CCNP: variants seen among roughly 807,000 people sequenced by gnomAD.
CCNP encodes the protein cyclin P.
Under a neutral mutation model 19.6 loss-of-function variants are expected in CCNP, and 18 were observed. That is an observed-to-expected ratio of 0.92 (90% CI 0.64 to 1.36). CCNP has a LOEUF of 1.36. CCNP is among the 40% of genes most tolerant of loss of function. The pLI, the probability that CCNP is intolerant of heterozygous loss-of-function variation, is 0.00. For synonymous variants in CCNP, 228 were observed against 194.9 expected (o/e 1.17, Z -1.41); for missense variants, 440 against 424.4 (o/e 1.04, Z -0.32).
In CCNP at chr19:40,223,450, G is replaced by C. The variant is rs766174322; in HGVS notation, c.610C>G (p.His204Asp). Residue 204 changes from histidine to aspartate, a missense_variant, in exon 4 of 5, where the codon CAC becomes GAC. Physicochemically the swap from His to Asp is moderately conservative, Grantham distance 81. Transcript: ENST00000430325. ...AGGCACAGCAGCGGGCCGGGGTGGT[G>C]CAGCCGGAAATCCAGGCGGCTCAGG... ...RILSRLDFRL[H>D]HPGPLLCLGL... The C allele has an allele frequency of 8.7e-6, 14 of 1,609,000 alleles. No individual in the cohort carries two copies. Among genetic ancestry groups the C allele is most frequent in the South Asian group, 2.2e-5 (2 of 90,800 alleles).
In CCNP at chr19:40,224,949, A is replaced by G. The variant is rs1009731346; in HGVS notation, c.268-138T>C. On this transcript the variant is annotated intron_variant, in intron 1 of 4. Coordinates refer to ENST00000430325, the MANE Select transcript of CCNP (RefSeq NM_024877.4). ...CCACACCCAAACTGGCCTCCAAATG[A>G]GCTCCTCTTACGTGTCCTCACCTAG... 8.7e-5 allele frequency: 62 copies of G among 716,514 alleles called. No homozygotes were observed. The Admixed American group carries it at 1.2e-3, about 14-fold the overall frequency. 44.4% of individuals were successfully genotyped at this position (716,514 alleles called of 1,614,324 possible). A position where few individuals can be genotyped will look rare whatever the true frequency, so the allele number is the denominator to read the frequency against.
Position 40,223,211 on chromosome 19 carries a change from CAG to C in CCNP, c.763_764del (p.Leu255GlufsTer22), listed in dbSNP as rs1973477528. The part of the protein sequence containing the change: ...WEPGRRAAAA[L>X]SLAHRLLDGA... ...CGTCGAGCAAGCGGTGCGCCAGGCTCAGAGCCGCAGCCGCACGACGACCCGGC... is the reference window on the plus strand; with the variant it reads ...CGTCGAGCAAGCGGTGCGCCAGGCTCAGCCGCAGCCGCACGACGACCCGGC... On this transcript the variant is annotated frameshift_variant, in exon 5 of 5. Transcript: ENST00000430325. LOFTEE classifies it low-confidence loss of function (END_TRUNC). 1 of 1,549,640 alleles carries C rather than the reference CAG, an allele frequency of 6.5e-7. No homozygotes were observed. Among genetic ancestry groups the C allele is most frequent in the Non-Finnish European group, 8.7e-7 (1 of 1,146,478 alleles).
chr19:40,222,334 G>A lies in CCNP; in HGVS notation c.*718C>T, dbSNP rs1199761022. On this transcript the variant is annotated 3_prime_UTR_variant, in exon 5 of 5. Transcript: ENST00000430325. ...AGGGAGGCTCAGACTGGAGGCGGCGGAGCAGGCAGGCGGCGGCAAGGCTGG... is the reference window on the plus strand; with the variant it reads ...AGGGAGGCTCAGACTGGAGGCGGCGAAGCAGGCAGGCGGCGGCAAGGCTGG... 3.0e-5 allele frequency: 12 copies of A among 398,948 alleles called. No homozygotes were observed. The highest frequency in any genetic ancestry group is 6.2e-4 in the Middle Eastern group (1 of 1,614). The allele number at this position is 398,948 out of a possible 1,614,324, so 24.7% of individuals were successfully genotyped here.
At chr19:40,223,969 TTTG>T (rs1443715802) in intron 3 of CCNP, among the ~76,000 whole-genome samples, 1 of 146,948 alleles carries the variant, frequency 6.8e-6, no homozygotes, top group African/African-American at 2.7e-5. Flanking sequence ...AGTGATTTGT[TTTG>T]TTTTTTTTTG....
In CCNP at chr19:40,224,463, C is replaced by G. The variant is rs200798696; in HGVS notation, c.513+25G>C. 3 of 1,611,716 alleles carry G rather than the reference C, an allele frequency of 1.9e-6. No individual in the cohort carries two copies. In the South Asian group the frequency reaches 3.3e-5, roughly 18 times the overall value. On this transcript the variant is annotated intron_variant, in intron 3 of 4. Coordinates refer to ENST00000430325, the MANE Select transcript of CCNP (RefSeq NM_024877.4). ...TACTCCCCAAAGGACTCCATCCACC[C>G]TCCCAAACCCCACCCCGGAAGTACC...
chr19:40,226,605 G>A lies in CCNP; in HGVS notation c.37C>T (p.Arg13Trp), dbSNP rs754909640. 12 of 1,578,602 alleles carry A rather than the reference G, an allele frequency of 7.6e-6. No homozygotes were observed. The highest frequency in any genetic ancestry group is 4.3e-6 in the Non-Finnish European group (5 of 1,163,792). The change falls in exon 1 of 5, where the codon CGG becomes TGG. Residue 13 changes from arginine to tryptophan, a missense_variant. Arg to Trp is a moderately radical substitution (Grantham distance 101, BLOSUM62 -3). Transcript: ENST00000430325. The part of the protein sequence containing the change: ...VRGRDQGSGS[R>W]LGPIVRRWAP... ...CAGCGCCTAACGATAGGCCCGAGCC[G>A]GGAGCCGGACCCCTGGTCCCTGCCT...
intron 1 of CCNP, 83 bp downstream of exon 1, chr19:40,226,292 G>T: frequency 8.2e-7 from 1 of 1,216,990 alleles, no homozygotes; most frequent in Non-Finnish European, 1.2e-6. Flanking sequence ...GGCTGGAGCG[G>T]TGGGAGTTCA....
intron 1 of CCNP, 141 bp from the exon 2 acceptor site, chr19:40,224,952 T>C (rs950030019): frequency 1.5e-6 from 1 of 689,144 alleles, no homozygotes; most frequent in African/African-American, 1.8e-5. Context: ...CCAAATGAGC[T>C]CCTCTTACGT....
rs766174322 is a variant in CCNP at position 40,223,450 on chromosome 19, G to A, written c.610C>T (p.His204Tyr). ...AGGCACAGCAGCGGGCCGGGGTGGTGCAGCCGGAAATCCAGGCGGCTCAGG... is the reference window on the plus strand; with the variant it reads ...AGGCACAGCAGCGGGCCGGGGTGGTACAGCCGGAAATCCAGGCGGCTCAGG... ...RILSRLDFRL[H>Y]HPGPLLCLGL... The change falls in exon 4 of 5, where the codon CAC (histidine) becomes TAC (tyrosine). Residue 204 changes from histidine (H) to tyrosine (Y), a missense_variant. By Grantham distance (83) the His-to-Tyr change is moderately conservative. Coordinates refer to ENST00000430325, the MANE Select transcript of CCNP (RefSeq NM_024877.4). The A allele has an allele frequency of 2.4e-5, 38 of 1,609,000 alleles. 1 individual carries two copies. The highest frequency in any genetic ancestry group is 8.4e-5 in the Admixed American group (5 of 59,628).
At position 40,226,613 on chromosome 19, in the gene CCNP, G is replaced by A. The variant is rs1415756691; in HGVS notation, c.29C>T (p.Ser10Phe). The A allele has an allele frequency of 6.3e-7, 1 of 1,579,414 alleles. No homozygotes were observed. Among genetic ancestry groups the A allele is most frequent in the Non-Finnish European group, 8.6e-7 (1 of 1,164,096 alleles). Reference sequence around the variant, plus strand: ...AACGATAGGCCCGAGCCGGGAGCCGGACCCCTGGTCCCTGCCTCTCACCAG... The same window carrying A: ...AACGATAGGCCCGAGCCGGGAGCCGAACCCCTGGTCCCTGCCTCTCACCAG... MLVRGRDQG[S>F]GSRLGPIVRR... The change falls in exon 1 of 5, where the codon TCC becomes TTC. Residue 10 changes from serine to phenylalanine, a missense_variant. By Grantham distance (155) the Ser-to-Phe change is radical. Transcript: ENST00000430325.
Position 40,222,414 on chromosome 19 carries a change from C to T in CCNP, c.*638G>A, listed in dbSNP as rs1360505336. The T allele has an allele frequency of 3.0e-5, 12 of 398,470 alleles. No homozygotes were observed. The highest frequency in any genetic ancestry group is 2.5e-4 in the East Asian group (7 of 28,080). The allele number at this position is 398,470 out of a possible 1,614,324, so 24.7% of individuals were successfully genotyped here. A position where few individuals can be genotyped will look rare whatever the true frequency, so the allele number is the denominator to read the frequency against. On this transcript the variant is annotated 3_prime_UTR_variant, in exon 5 of 5. Coordinates refer to ENST00000430325, the MANE Select transcript of CCNP (RefSeq NM_024877.4). ...AGGAAGACTGCGGCGCGACCCGGCG[C>T]GGGACCTCGGAGCGCAGCGCGGGCC...
In CCNP at chr19:40,223,502, C is replaced by G. The variant is rs1244417806; in HGVS notation, c.558G>C (p.Ala186=). 1.2e-6 allele frequency: 2 copies of G among 1,609,076 alleles called. No individual in the cohort carries two copies. Among genetic ancestry groups the G allele is most frequent in the Non-Finnish European group, 1.7e-6 (2 of 1,176,580 alleles). ...TGCGACGCTCGGCGCGCAGCAGCTCCGCCCGTGAGAAGGAGTCCGCGCTCA... is the reference window on the plus strand; with the variant it reads ...TGCGACGCTCGGCGCGCAGCAGCTCGGCCCGTGAGAAGGAGTCCGCGCTCA... ...CLLSADSFSR[A]ELLRAERRIL... The change falls in exon 4 of 5, where the codon GCG becomes GCC. Residue 186 remains alanine, a synonymous_variant. Transcript: ENST00000430325.
rs1424758293 is a variant in CCNP at position 40,224,520 on chromosome 19, C to T, written c.481G>A (p.Ala161Thr). The change falls in exon 3 of 5, where the codon GCG becomes ACG. Residue 161 changes from alanine (A) to threonine (T), a missense_variant. Transcript: ENST00000430325. ...AGCACGCACTCTTCCATTTTGCACG[C>T]CACAAACAGGCAAGCCACGCCCAGC... ...QLLGVACLFV[A>T]CKMEECVLPE... The T allele has an allele frequency of 2.5e-6, 4 of 1,614,102 alleles. No homozygotes were observed. The highest frequency in any genetic ancestry group is 3.4e-6 in the Non-Finnish European group (4 of 1,180,060).
chr19:40,222,422 C>T lies in CCNP; in HGVS notation c.*630G>A. On this transcript the variant is annotated 3_prime_UTR_variant, in exon 5 of 5. Transcript: ENST00000430325. ...TGCGGCGCGACCCGGCGCGGGACCT[C>T]GGAGCGCAGCGCGGGCCATGCACGG... 2.5e-6 allele frequency: 1 copy of T among 398,602 alleles called. No homozygotes were observed. The allele number at this position is 398,602 out of a possible 1,614,324, so 24.7% of individuals were successfully genotyped here. A position where few individuals can be genotyped will look rare whatever the true frequency, so the allele number is the denominator to read the frequency against.
In CCNP at chr19:40,223,213, G is replaced by A; in HGVS notation, c.763C>T (p.Leu255=). 6.5e-7 allele frequency: 1 copy of A among 1,549,442 alleles called. No individual in the cohort carries two copies. Among genetic ancestry groups the A allele is most frequent in the Non-Finnish European group, 8.7e-7 (1 of 1,146,284 alleles). ...WEPGRRAAAA[L]SLAHRLLDGA... ...TCGAGCAAGCGGTGCGCCAGGCTCA[G>A]AGCCGCAGCCGCACGACGACCCGGC... The change falls in exon 5 of 5, where the codon CTG becomes TTG. Residue 255 remains leucine (L), a synonymous_variant. Transcript: ENST00000430325.
rs891956511 is a variant in CCNP, at chr19:40,223,800, C to G, written c.514-254G>C. ...CTTAAGCTCTCTGCCTCAGCTACCCCCCGCCCCCCGTAAAACAGATACTAC... is the reference window on the plus strand; with the variant it reads ...CTTAAGCTCTCTGCCTCAGCTACCCGCCGCCCCCCGTAAAACAGATACTAC... On this transcript the variant is annotated intron_variant, in intron 3 of 4. Transcript: ENST00000430325. Among the ~76,000 whole-genome samples the G allele has an allele frequency of 2.6e-5, 4 of 151,964 alleles. No individual in the cohort carries two copies. The East Asian group carries it at 5.8e-4, about 22-fold the overall frequency.
rs761279652 is a variant in CCNP, at chr19:40,226,659, C to A, written c.-18G>T. On this transcript the variant is annotated 5_prime_UTR_variant, in exon 1 of 5. Coordinates refer to ENST00000430325, the MANE Select transcript of CCNP (RefSeq NM_024877.4). ...ACCAGCATCCTCCAGGAGGGTGTTG[C>A]GGGCGAGGCCAAGCACCGACCCTTG... The A allele has an allele frequency of 6.5e-7, 1 of 1,545,140 alleles. No homozygotes were observed. The highest frequency in any genetic ancestry group is 8.7e-7 in the Non-Finnish European group (1 of 1,148,848).
rs1281937257 is a variant in CCNP, at chr19:40,222,268, T to C, written c.*784A>G. 7.5e-6 allele frequency: 3 copies of C among 398,722 alleles called. No individual in the cohort carries two copies. The highest frequency in any genetic ancestry group is 4.4e-6 in the Non-Finnish European group (1 of 225,938). 24.7% of individuals were successfully genotyped at this position (398,722 alleles called of 1,614,324 possible). A position where few individuals can be genotyped will look rare whatever the true frequency, so the allele number is the denominator to read the frequency against. On this transcript the variant is annotated 3_prime_UTR_variant, in exon 5 of 5. Coordinates refer to ENST00000430325, the MANE Select transcript of CCNP (RefSeq NM_024877.4). ...ACGGACACACACTGGGAGGGTTTTGTTTTTTGTTGTTGATTTTTTTGTGAC... is the reference window on the plus strand; with the variant it reads ...ACGGACACACACTGGGAGGGTTTTGCTTTTTGTTGTTGATTTTTTTGTGAC...
chr19:40,225,918 C>T (rs1973532235), intron 1 of CCNP, among the ~76,000 whole-genome samples: 1 of 152,178 alleles, frequency 6.6e-6, no homozygotes, highest in Non-Finnish European at 1.5e-5. Flanking sequence ...CAAACTCCTC[C>T]CTTCAGTCTT....
Sources: allele counts gnomAD v4.1 joint callset (sites outside exome capture counted in the v4.1 genomes callset), GRCh38; gene constraint gnomAD v4.1.1; transcripts MANE v1.5; gene names NCBI Gene and HGNC (gene_info 2026-07-23, HGNC 2026-07-21).